Variants in ULBP1 observed in about 807,000 individuals in gnomAD.
ULBP1 encodes UL16-binding protein 1.
A neutral mutation model predicts 25.3 loss-of-function variants in ULBP1; 28 were observed. That is an observed-to-expected ratio of 1.10 (90% CI 0.82 to 1.51). The LOEUF is 1.51. Among genes scored for constraint, ULBP1 ranks in the 40% most tolerant of loss-of-function variants. The probability of loss-of-function intolerance (pLI) is 0.00; values close to 1 mark genes in which losing one functional copy is unlikely to be tolerated. For missense variants in ULBP1, 348 were observed against 290.9 expected (o/e 1.20, Z -1.43); for synonymous variants, 129 against 103.0 (o/e 1.25, Z -1.53).
chr6:149,968,580 A>G (rs199695457), intron 1 of ULBP1, 27 bp from the exon 2 acceptor site: 73 of 1,589,802 alleles, frequency 4.6e-5, no homozygotes, highest in Admixed American at 2.4e-4. Context: ...CCCCACACCA[A>G]CCCCCTCCTG....
intron 4 of ULBP1, among the ~76,000 whole-genome samples, chr6:149,970,577 C>T (rs1229170600): frequency 1.2e-4 from 19 of 152,242 alleles, no homozygotes; most frequent in Non-Finnish European, 1.5e-5. Context: ...AGAGAGTGAT[C>T]TGGGAGAATC....
intron 3 of ULBP1, 111 bp from the exon 4 acceptor site, chr6:149,969,905 G>T: frequency 7.0e-7 from 1 of 1,422,614 alleles, no homozygotes; most frequent in Non-Finnish European, 9.5e-7. Flanking sequence ...CACAGCAGAG[G>T]GGGACAAAAG....
At chr6:149,971,005 C>T (rs895964688) in intron 4 of ULBP1, among the ~76,000 whole-genome samples, 26 of 152,234 alleles carry the variant, frequency 1.7e-4, no homozygotes, top group African/African-American at 6.3e-4. Context: ...GGTTTGTCTA[C>T]AAGCCCACCC....
chr6:149,969,436 T>C (rs1779269762), intron 3 of ULBP1, 76 bp downstream of exon 3: 3 of 1,556,436 alleles, frequency 1.9e-6, no homozygotes, highest in Non-Finnish European at 1.7e-6. Context: ...TGAGTGCGTG[T>C]GTGTGTGTGT....
Position 149,964,180 on chromosome 6 carries a change from G to A in ULBP1, c.85+46G>A, listed in dbSNP as rs1190896267. ...TAAGCAGGGCGGGGGCCAAACCTGGGAGGTTGTGGACTGCAGCGGGTTTCA... is the reference window on the plus strand; with the variant it reads ...TAAGCAGGGCGGGGGCCAAACCTGGAAGGTTGTGGACTGCAGCGGGTTTCA... On this transcript the variant is annotated intron_variant, in intron 1 of 4. Coordinates refer to ENST00000229708, the MANE Select transcript of ULBP1 (RefSeq NM_025218.4). The A allele has an allele frequency of 2.5e-6, 4 of 1,609,442 alleles. No individual in the cohort carries two copies. The Admixed American group carries it at 6.7e-5, about 27-fold the overall frequency.
intron 3 of ULBP1, among the ~76,000 whole-genome samples, 173 bp from the exon 4 acceptor site, chr6:149,969,843 A>G (rs1000192900): frequency 6.6e-6 from 1 of 152,050 alleles, no homozygotes; most frequent in Admixed American, 6.5e-5. Context: ...CCCTGAGGGC[A>G]GGGGACACCC....
In ULBP1 at chr6:149,972,808, A is replaced by G. The variant is rs1208995110; in HGVS notation, c.*1462A>G. The G allele has an allele frequency of 6.6e-6, 1 of 152,238 alleles. No individual in the cohort carries two copies. Among genetic ancestry groups the G allele is most frequent in the African/African-American group, 2.4e-5 (1 of 41,466 alleles). The allele number at this position is 152,238 out of a possible 1,614,324, so 9.4% of individuals were successfully genotyped here. A position where few individuals can be genotyped will look rare whatever the true frequency, so the allele number is the denominator to read the frequency against. On this transcript the variant is annotated 3_prime_UTR_variant, in exon 5 of 5. Transcript: ENST00000229708. ...CAAATCAAAACTGCAATGAGTTACC[A>G]TCTCTTACCAGTCACAAAGTCAGAG...
intron 1 of ULBP1, among the ~76,000 whole-genome samples, chr6:149,965,822 C>T (rs1779194819): frequency 6.6e-6 from 1 of 152,114 alleles, no homozygotes; most frequent in Non-Finnish European, 1.5e-5. Flanking sequence ...CCCATCTCAG[C>T]TCACCCCTGT....
At chr6:149,967,019 A>C (rs1442730233) in intron 1 of ULBP1, among the ~76,000 whole-genome samples, 15 of 152,200 alleles carry the variant, frequency 9.9e-5, no homozygotes, top group Non-Finnish European at 1.8e-4. Context: ...TCCCAGCTAC[A>C]AGAGCAGAGT....
rs758172280 is a variant in ULBP1, at chr6:149,969,066, T to G, written c.350-19T>G. The G allele has an allele frequency of 1.2e-6, 2 of 1,612,740 alleles. No homozygotes were observed. The highest frequency in any genetic ancestry group is 1.7e-6 in the Non-Finnish European group (2 of 1,179,172). On this transcript the variant is annotated intron_variant, in intron 2 of 4. Transcript: ENST00000229708. ...CAGGCTTTGTCAAGATCAGAGCTGA[T>G]CTCTTTGCAATGGGGCAGAGCCCCT... is the stretch of plus-strand genomic sequence containing the variant.
rs1298269174 is a variant in ULBP1, at chr6:149,971,837, T to G, written c.*491T>G. The G allele has an allele frequency of 6.6e-6, 1 of 152,222 alleles. No individual in the cohort carries two copies. The highest frequency in any genetic ancestry group is 1.5e-5 in the Non-Finnish European group (1 of 68,050). 9.4% of individuals were successfully genotyped at this position (152,222 alleles called of 1,614,324 possible). A position where few individuals can be genotyped will look rare whatever the true frequency, so the allele number is the denominator to read the frequency against. ...GATAATCCTTTTCATTTTTATGGCT[T>G]TTTACAGTTTCTCATTCTGTCAACC... On this transcript the variant is annotated 3_prime_UTR_variant, in exon 5 of 5. Coordinates refer to ENST00000229708, the MANE Select transcript of ULBP1 (RefSeq NM_025218.4).
At chr6:149,968,116 C>T (rs1779236133) in intron 1 of ULBP1, among the ~76,000 whole-genome samples, 1 of 152,204 alleles carries the variant, frequency 6.6e-6, no homozygotes, top group Admixed American at 6.5e-5. Flanking sequence ...GGCATCTTCA[C>T]TGGGGCTTTG....
intron 3 of ULBP1, among the ~76,000 whole-genome samples, chr6:149,969,760 T>G (rs75364210): frequency 2.6e-5 from 4 of 152,238 alleles, no homozygotes; most frequent in Non-Finnish European, 5.9e-5. Flanking sequence ...CCCTGGGACA[T>G]CACCTCCTCT....
chr6:149,965,772 C>A (rs1284981621), intron 1 of ULBP1, among the ~76,000 whole-genome samples: 2 of 152,152 alleles, frequency 1.3e-5, no homozygotes, highest in Non-Finnish European at 2.9e-5. Flanking sequence ...CCCTTCCCCT[C>A]ACCATTCACT....
At position 149,970,043 on chromosome 6, in the gene ULBP1, C is replaced by G; in HGVS notation, c.653C>G (p.Thr218Ser). The change falls in exon 4 of 5, where the codon ACC becomes AGC. Residue 218 changes from threonine to serine, a missense_variant. Transcript: ENST00000229708. Reference sequence around the variant, plus strand: ...CCACCCTCTCTGGCCCCAGGCACAACCCAACCCAAGGCCATGGCCACCACC... The same window carrying G: ...CCACCCTCTCTGGCCCCAGGCACAAGCCAACCCAAGGCCATGGCCACCACC... ...TKPPSLAPGT[T>S]QPKAMATTLS... 1.2e-6 allele frequency: 2 copies of G among 1,613,406 alleles called. No individual in the cohort carries two copies. Among genetic ancestry groups the G allele is most frequent in the South Asian group, 1.1e-5 (1 of 90,814 alleles).
In ULBP1 at chr6:149,969,218, T is replaced by A. The variant is rs762665021; in HGVS notation, c.483T>A (p.Leu161=). Residue 161 remains leucine (L), a synonymous_variant, in exon 3 of 5, where the codon CTT becomes CTA. Transcript: ENST00000229708. ...CAAACAACAGAAAGTGGACAGCACT[T>A]CATCCTGGAGCCAAGAAGATGACAG... ...FDSNNRKWTA[L]HPGAKKMTEK... 5 of 1,614,092 alleles carry A rather than the reference T, an allele frequency of 3.1e-6. No individual in the cohort carries two copies. In the African/African-American group the frequency reaches 6.7e-5, roughly 22 times the overall value.
chr6:149,968,964 C>T, intron 2 of ULBP1, 94 bp downstream of exon 2: 1 of 1,555,250 alleles, frequency 6.4e-7, no homozygotes, highest in Non-Finnish European at 8.7e-7. Context: ...TTGTGTCACC[C>T]AAGAGGTTGA....
chr6:149,964,660 G>A (rs1202497291), intron 1 of ULBP1, among the ~76,000 whole-genome samples: 1 of 144,592 alleles, frequency 6.9e-6, no homozygotes, highest in Admixed American at 6.9e-5. Flanking sequence ...CCCGGCTGAA[G>A]GCACTCAGTT....
In ULBP1 at chr6:149,968,706, T is replaced by C; in HGVS notation, c.185T>C (p.Leu62Pro). ...GGCCTGGTGGATGAAAGGCCTTTTC[T>C]TCACTATGACTGTGTTAACCACAAG... Reference protein sequence around the residue: ...VQGLVDERPFLHYDCVNHKAK... With the variant: ...VQGLVDERPFPHYDCVNHKAK... The change falls in exon 2 of 5, where the codon CTT becomes CCT. Residue 62 changes from leucine to proline, a missense_variant. By Grantham distance (98) the Leu-to-Pro change is moderately conservative. Coordinates refer to ENST00000229708, the MANE Select transcript of ULBP1 (RefSeq NM_025218.4). 6.2e-7 allele frequency: 1 copy of C among 1,614,250 alleles called. No individual in the cohort carries two copies. Among genetic ancestry groups the C allele is most frequent in the Non-Finnish European group, 8.5e-7 (1 of 1,180,042 alleles).
Sources: gnomAD v4.1 joint callset for allele counts (sites outside exome capture counted in the v4.1 genomes callset) on GRCh38, gnomAD v4.1.1 for gene constraint, MANE v1.5 for transcripts, NCBI Gene and HGNC (gene_info 2026-07-23, HGNC 2026-07-21) for gene names.